The following SUPT3H variants were observed in gnomAD, a reference collection of about 807,000 sequenced individuals.
SUPT3H encodes the protein transcription initiation protein SPT3 homolog.
SUPT3H carries 44 observed loss-of-function variants against 44.3 expected under a neutral mutation model. That is an observed-to-expected ratio of 0.99 (90% confidence interval 0.78 to 1.28). SUPT3H has a LOEUF of 1.28. SUPT3H is among the 50% of genes most tolerant of loss of function. The pLI is 0.00. For missense variants in SUPT3H, 380 were observed against 387.1 expected (o/e 0.98, Z 0.15); for synonymous variants, 124 against 125.6 (o/e 0.99, Z 0.09).
chr6:44,859,277 C>G (rs1384396624), intron 10 of SUPT3H, among the ~76,000 whole-genome samples: 1 of 152,156 alleles, frequency 6.6e-6, no homozygotes, highest in Non-Finnish European at 1.5e-5. Flanking sequence ...AAGGCAAATG[C>G]TCACAGAAGG....
At chr6:45,229,526 T>C (rs1484360268) in intron 2 of SUPT3H, among the ~76,000 whole-genome samples, 1 of 152,156 alleles carries the variant, frequency 6.6e-6, no homozygotes, top group Non-Finnish European at 1.5e-5. Flanking sequence ...GTGTTCTATA[T>C]ATATATAATC....
chr6:45,017,726 C>T (rs1303334877), intron 4 of SUPT3H, among the ~76,000 whole-genome samples: 2 of 146,098 alleles, frequency 1.4e-5, no homozygotes, highest in South Asian at 2.3e-4. Flanking sequence ...GGTACCAGTA[C>T]CATGCTGTTT....
At chr6:45,366,914 A>G (rs903710323) in intron 1 of SUPT3H, among the ~76,000 whole-genome samples, 2 of 152,152 alleles carry the variant, frequency 1.3e-5, no homozygotes, top group Admixed American at 6.5e-5. Flanking sequence ...TTCATTCTCC[A>G]TACTGCTGCC....
chr6:45,088,584 G>C (rs1361752877), intron 3 of SUPT3H, among the ~76,000 whole-genome samples: 1 of 152,034 alleles, frequency 6.6e-6, no homozygotes, highest in East Asian at 1.9e-4. Flanking sequence ...ATGAAGCCAA[G>C]ATTCAAATCC....
At chr6:44,893,562 T>C (rs74787271) in intron 10 of SUPT3H, among the ~76,000 whole-genome samples, 1 of 152,386 alleles carries the variant, frequency 6.6e-6, no homozygotes, top group Admixed American at 6.5e-5. Context: ...CATCATTTTT[T>C]ATGGCTGCAC....
chr6:45,319,490 C>T (rs888351711), intron 2 of SUPT3H, among the ~76,000 whole-genome samples: 1 of 152,022 alleles, frequency 6.6e-6, no homozygotes, highest in Admixed American at 6.6e-5. Context: ...TTAAAGCCAT[C>T]CCATTTATAT....
chr6:45,288,336 A>G (rs1251178832), intron 2 of SUPT3H, among the ~76,000 whole-genome samples: 1 of 152,036 alleles, frequency 6.6e-6, no homozygotes, highest in African/African-American at 2.4e-5. Flanking sequence ...ATAGTTTTTG[A>G]ATCAGTAACA....
At chr6:45,128,533 AATATATAT>A (rs1554257895) in intron 2 of SUPT3H, among the ~76,000 whole-genome samples, 21 of 52,258 alleles carry the variant, frequency 4.0e-4, no homozygotes, top group East Asian at 1.1e-3. Flanking sequence ...AAAAAAAAAA[AATATATAT>A]ATATATATAT....
At position 45,008,099 on chromosome 6, in the gene SUPT3H, C is replaced by T. The variant is rs542088650; in HGVS notation, c.365-4307G>A. Among the ~76,000 whole-genome samples the T allele has an allele frequency of 5.3e-5, 8 of 152,102 alleles. No homozygotes were observed. The East Asian group carries it at 1.4e-3, about 26-fold the overall frequency. On this transcript the variant is annotated intron_variant, in intron 5 of 10. Coordinates refer to ENST00000371459, the MANE Select transcript of SUPT3H (RefSeq NM_003599.4). ...ATTCATCCACTGATAGACATTTGGG[C>T]TATTTCCTTTTTTATTATCATGAAT...
At chr6:44,896,503 T>C (rs547930506) in intron 10 of SUPT3H, among the ~76,000 whole-genome samples, 2 of 152,074 alleles carry the variant, frequency 1.3e-5, no homozygotes, top group Non-Finnish European at 2.9e-5. Context: ...TTCCACAGGG[T>C]TGTTGTGAGA....
At chr6:45,102,767 C>T (rs1798755576) in intron 3 of SUPT3H, among the ~76,000 whole-genome samples, 1 of 151,920 alleles carries the variant, frequency 6.6e-6, no homozygotes, top group Non-Finnish European at 1.5e-5. Flanking sequence ...ATGGTGAAAC[C>T]TTGTCTCTCC....
intron 11 of SUPT3H, among the ~76,000 whole-genome samples, chr6:44,811,078 T>C (rs1766485664): frequency 2.0e-5 from 3 of 152,200 alleles, no homozygotes. Flanking sequence ...CTAAAGCCCA[T>C]ACTTGATTCG....
chr6:45,121,518 TGG>T lies in SUPT3H; in HGVS notation c.102-15514_102-15513del, dbSNP rs35707096. On this transcript the variant is annotated intron_variant, in intron 2 of 10. Transcript: ENST00000371459. ...GATTTCAAAACCCTATGAAATTATGTGGGGGGGGGGGTGGATTATCTAAGTAT... is the reference window on the plus strand; with the variant it reads ...GATTTCAAAACCCTATGAAATTATGTGGGGGGGGGTGGATTATCTAAGTAT... 4.0e-3 allele frequency among the ~76,000 whole-genome samples: 565 copies of T among 142,558 alleles called. 5 individuals are homozygous for T. Among genetic ancestry groups the T allele is most frequent in the African/African-American group, 0.013 (501 of 39,168 alleles). The allele number at this position is 142,558 out of a possible 152,430, so 93.5% of individuals were successfully genotyped here.
chr6:44,955,950 C>T (rs1775080181), intron 7 of SUPT3H, among the ~76,000 whole-genome samples: 1 of 151,040 alleles, frequency 6.6e-6, no homozygotes, highest in Non-Finnish European at 1.5e-5. Flanking sequence ...GAAACCCCGT[C>T]TCTACTAAAA....
chr6:45,287,262 AAAAAATAT>A (rs1245608142), intron 2 of SUPT3H, among the ~76,000 whole-genome samples: 1 of 145,210 alleles, frequency 6.9e-6, no homozygotes, highest in African/African-American at 2.8e-5. Flanking sequence ...AATAAAAAAT[AAAAAATAT>A]AAAAAATTAT....
chr6:45,276,061 C>CA (rs770746771), intron 2 of SUPT3H, among the ~76,000 whole-genome samples: 2 of 151,946 alleles, frequency 1.3e-5, no homozygotes, highest in Non-Finnish European at 2.9e-5. Flanking sequence ...CCCCCAGAAA[C>CA]AGCTTTTCAT....
Position 44,955,828 on chromosome 6 carries a change from A to G in SUPT3H, c.581-1221T>C, listed in dbSNP as rs1489329515. ...CCAAAACCTCAGAAATTGCTACTAA[A>G]GATTCATGTAGGCTGGGCGCGGTGG... On this transcript the variant is annotated intron_variant, in intron 7 of 10. Transcript: ENST00000371459. Among the ~76,000 whole-genome samples the G allele has an allele frequency of 2.0e-5, 3 of 152,238 alleles. No homozygotes were observed. The East Asian group carries it at 5.8e-4, about 29-fold the overall frequency.
chr6:45,230,776 G>A (rs543744864), intron 2 of SUPT3H, among the ~76,000 whole-genome samples: 24 of 149,792 alleles, frequency 1.6e-4, no homozygotes, highest in Middle Eastern at 3.5e-3. Flanking sequence ...GGGTTCAAGC[G>A]ATTCCCCTGC....
intron 2 of SUPT3H, among the ~76,000 whole-genome samples, chr6:45,130,763 G>A (rs2153584107): frequency 6.9e-6 from 1 of 144,904 alleles, no homozygotes. Flanking sequence ...TGTTGCCCAG[G>A]CTGGAGGGCA....
Sources: gnomAD v4.1 joint callset for allele counts (sites outside exome capture counted in the v4.1 genomes callset) on GRCh38, gnomAD v4.1.1 for gene constraint, MANE v1.5 for transcripts, NCBI Gene and HGNC (gene_info 2026-07-23, HGNC 2026-07-21) for gene names.